Variants in CPPED1 observed in about 807,000 individuals in gnomAD.
CPPED1 encodes serine/threonine-protein phosphatase CPPED1.
CPPED1 carries 28 observed loss-of-function variants against 28.0 expected under a neutral mutation model. The ratio of observed to expected loss-of-function variants is 1.00; its 90% confidence interval spans 0.74 to 1.37. The LOEUF is 1.37. Among genes scored for constraint, CPPED1 ranks in the 40% most tolerant of loss-of-function variants. The probability of loss-of-function intolerance (pLI) is 0.00; values close to 1 mark genes in which losing one functional copy is unlikely to be tolerated. For missense variants in CPPED1, 504 were observed against 416.5 expected (o/e 1.21, Z -1.83); for synonymous variants, 198 against 180.2 (o/e 1.10, Z -0.79).
At chr16:12,705,726 C>A (rs943545692) in intron 2 of CPPED1, among the ~76,000 whole-genome samples, 5 of 152,200 alleles carry the variant, frequency 3.3e-5, no homozygotes, top group Non-Finnish European at 5.9e-5. Context: ...CCATTGCACT[C>A]CAGCCTGGGC....
Position 12,664,559 on chromosome 16 carries a change from C to A in CPPED1, c.*327G>T. On this transcript the variant is annotated 3_prime_UTR_variant, in exon 4 of 4. Coordinates refer to ENST00000381774, the MANE Select transcript of CPPED1 (RefSeq NM_018340.3). The surrounding 1 kb of genome is among the most constrained non-coding windows in gnomAD (Gnocchi z 4.2). Reference sequence around the variant, plus strand: ...TTGAGGTCGATAGGCAGACTTTGACCATATGCTAACCAGAATACAATCCAA... The same window carrying A: ...TTGAGGTCGATAGGCAGACTTTGACAATATGCTAACCAGAATACAATCCAA... 1.8e-6 allele frequency: 2 copies of A among 1,123,152 alleles called. No individual in the cohort carries two copies. Among genetic ancestry groups the A allele is most frequent in the Non-Finnish European group, 2.2e-6 (2 of 917,972 alleles). 69.6% of individuals were successfully genotyped at this position (1,123,152 alleles called of 1,614,324 possible).
In CPPED1 at chr16:12,803,701, C is replaced by G; in HGVS notation, c.70+6G>C. ...GTCCCCTCCCCGGGTGAGGGGCGGG[C>G]AGTACCTGCGGGAAACGCGGCCAGG... On this transcript the variant is annotated splice_donor_region_variant and intron_variant, in intron 1 of 3. Transcript: ENST00000381774. 1 of 1,563,704 alleles carries G rather than the reference C, an allele frequency of 6.4e-7. No individual in the cohort carries two copies. Among genetic ancestry groups the G allele is most frequent in the Non-Finnish European group, 8.6e-7 (1 of 1,156,242 alleles).
At chr16:12,735,123 G>C (rs562648027) in intron 2 of CPPED1, among the ~76,000 whole-genome samples, 2 of 152,302 alleles carry the variant, frequency 1.3e-5, no homozygotes, top group Admixed American at 6.5e-5. Flanking sequence ...GTGCACGGAT[G>C]TCCAGGTGAT....
chr16:12,759,196 A>G (rs1038840014), intron 2 of CPPED1: 1 of 152,244 alleles, frequency 6.6e-6, no homozygotes, highest in Non-Finnish European at 1.5e-5. Context: ...AGACAAAAAA[A>G]AAGTGCTAGA....
intron 2 of CPPED1, among the ~76,000 whole-genome samples, chr16:12,732,024 G>A (rs971406742): frequency 1.1e-4 from 16 of 151,988 alleles, no homozygotes; most frequent in African/African-American, 3.4e-4. Flanking sequence ...GTAGCTGGGC[G>A]TAGTGGCACA....
chr16:12,677,334 G>T (rs2079882676), intron 3 of CPPED1, among the ~76,000 whole-genome samples: 1 of 152,196 alleles, frequency 6.6e-6, no homozygotes. Flanking sequence ...GAAATGGAAT[G>T]ACTTACAAAA....
rs762324322 is a variant in CPPED1 at position 12,781,416 on chromosome 16, G to A, written c.71-13C>T. ...TCGCTTTCCTTTTCTTAAAAAAAGA[G>A]AGAGGGAGAAAGAAGGAGAAATCTT... On this transcript the variant is annotated splice_polypyrimidine_tract_variant and intron_variant, in intron 1 of 3. Transcript: ENST00000381774. The A allele has an allele frequency of 1.2e-4, 197 of 1,610,630 alleles. No homozygotes were observed. The highest frequency in any genetic ancestry group is 1.6e-4 in the Non-Finnish European group (191 of 1,177,894).
At chr16:12,801,158 T>C (rs1274688988) in intron 1 of CPPED1, among the ~76,000 whole-genome samples, 1 of 152,148 alleles carries the variant, frequency 6.6e-6, no homozygotes, top group Non-Finnish European at 1.5e-5. Flanking sequence ...CAGTGGCACA[T>C]TCTCGGCTCA....
chr16:12,694,813 C>G (rs907909279), intron 3 of CPPED1, among the ~76,000 whole-genome samples: 1 of 148,834 alleles, frequency 6.7e-6, no homozygotes, highest in Non-Finnish European at 1.5e-5. Flanking sequence ...GTTTTGCTCT[C>G]GTTACCCAGG....
At chr16:12,763,821 T>C (rs529513260) in intron 2 of CPPED1, among the ~76,000 whole-genome samples, 8 of 152,260 alleles carry the variant, frequency 5.3e-5, no homozygotes, top group African/African-American at 1.9e-4. Flanking sequence ...TCGGACACAG[T>C]CTGAGCCTCA....
intron 2 of CPPED1, among the ~76,000 whole-genome samples, chr16:12,718,064 G>C (rs940394622): frequency 2.0e-5 from 3 of 152,190 alleles, no homozygotes; most frequent in African/African-American, 7.2e-5. Context: ...CTGTCTCCTG[G>C]TCAGCACCAC....
intron 2 of CPPED1, among the ~76,000 whole-genome samples, chr16:12,714,926 G>T (rs1326266675): frequency 6.6e-6 from 1 of 151,304 alleles, no homozygotes; most frequent in Non-Finnish European, 1.5e-5. Context: ...TCTAGTTTTA[G>T]CTCTTCTTTG....
intron 2 of CPPED1, among the ~76,000 whole-genome samples, chr16:12,748,177 T>A (rs2080303452): frequency 6.6e-6 from 1 of 152,244 alleles, no homozygotes. Flanking sequence ...CATAGTGGCA[T>A]AATTTGTGGT....
chr16:12,742,458 T>C (rs1055899410), intron 2 of CPPED1, among the ~76,000 whole-genome samples: 4 of 152,186 alleles, frequency 2.6e-5, no homozygotes, highest in African/African-American at 4.8e-5. Context: ...TAAATAGATA[T>C]GGGAAAATTT....
chr16:12,705,130 A>C, intron 2 of CPPED1, 81 bp from the exon 3 acceptor site: 1 of 1,385,416 alleles, frequency 7.2e-7, no homozygotes, highest in Non-Finnish European at 9.7e-7. Flanking sequence ...TACTAACATA[A>C]AATTTAAAAA....
Position 12,785,688 on chromosome 16 carries a change from A to C in CPPED1, c.71-4285T>G, listed in dbSNP as rs371518220. ...AATGATCTGCCCGCCTTGGCCTTGG[A>C]CTCCCAAAGTACTGGGATTATAGGC... On this transcript the variant is annotated intron_variant, in intron 1 of 3. Coordinates refer to ENST00000381774, the MANE Select transcript of CPPED1 (RefSeq NM_018340.3). Among the ~76,000 whole-genome samples, 11 of 147,904 alleles carry C rather than the reference A, an allele frequency of 7.4e-5. No individual in the cohort carries two copies. The East Asian group carries it at 8.0e-4, about 11-fold the overall frequency.
At chr16:12,719,479 T>A (rs529094437) in intron 2 of CPPED1, among the ~76,000 whole-genome samples, 2 of 152,138 alleles carry the variant, frequency 1.3e-5, no homozygotes, top group South Asian at 4.2e-4. Context: ...CACGTGGGGA[T>A]TATGCAAATA....
rs1477563700 is a variant in CPPED1 at position 12,665,054 on chromosome 16, G to C, written c.777C>G (p.Leu259=). 2 of 1,609,852 alleles carry C rather than the reference G, an allele frequency of 1.2e-6. No homozygotes were observed. The highest frequency in any genetic ancestry group is 1.7e-4 in the Middle Eastern group (1 of 6,034). The change falls in exon 4 of 4, where the codon CTC becomes CTG. Residue 259 remains leucine, a synonymous_variant. Transcript: ENST00000381774. ...HRNAGGTYQN[L]DMVVSSAIGC... is the part of the protein sequence containing the mutation. ...CAATGGCAGATGACACCACCATGTC[G>C]AGGTTCTGGTAGGTACCCCCGGCAT...
chr16:12,663,155 G>C lies in CPPED1; in HGVS notation c.*1731C>G, dbSNP rs930527166. On this transcript the variant is annotated 3_prime_UTR_variant, in exon 4 of 4. Transcript: ENST00000381774. ...TGGCTCACTGCAACCTCTGCCTCCT[G>C]AGTTCCAGCGATCTCCTGCCTCAGC... 3.3e-5 allele frequency: 5 copies of C among 151,226 alleles called. No homozygotes were observed. Among genetic ancestry groups the C allele is most frequent in the African/African-American group, 1.2e-4 (5 of 40,806 alleles). The allele number at this position is 151,226 out of a possible 1,614,324, so 9.4% of individuals were successfully genotyped here.
Sources: gnomAD v4.1 joint callset for allele counts (sites outside exome capture counted in the v4.1 genomes callset) on GRCh38, gnomAD v4.1.1 for gene constraint, Gnocchi (gnomAD v3.1) non-coding constraint, MANE v1.5 for transcripts, NCBI Gene and HGNC (gene_info 2026-07-23, HGNC 2026-07-21) for gene names.